KAZN: variants seen among roughly 807,000 people sequenced by gnomAD.
KAZN encodes kazrin, periplakin interacting protein.
In KAZN, 40 loss-of-function variants were observed where a neutral mutation model predicts 87.4. That is an observed-to-expected ratio of 0.46 (90% CI 0.36 to 0.60). KAZN has a LOEUF of 0.60. Among genes scored for constraint, KAZN ranks in the 20% least tolerant of loss-of-function variants. The pLI is 0.00. For missense variants in KAZN, 898 were observed against 1,073.9 expected, an observed-to-expected ratio of 0.84 and a Z score of 2.29; for synonymous variants, 466 against 458.3, an observed-to-expected ratio of 1.02 and a Z score of -0.22.
At chr1:14,576,425 A>C (rs1249105709) in intron 2 of KAZN, among the ~76,000 whole-genome samples, 2 of 151,580 alleles carry the variant, frequency 1.3e-5, no homozygotes, top group Non-Finnish European at 2.9e-5. Context: ...AGATGGGTAG[A>C]TGGATGAATG....
chr1:14,348,310 T>C (rs1298732401), intron 2 of KAZN, among the ~76,000 whole-genome samples: 3 of 152,110 alleles, frequency 2.0e-5, no homozygotes, highest in African/African-American at 7.2e-5. Flanking sequence ...CCCCAGCCTC[T>C]CCAAATGCTG....
chr1:14,273,802 G>A (rs1375876125), intron 2 of KAZN, among the ~76,000 whole-genome samples: 1 of 151,332 alleles, frequency 6.6e-6, no homozygotes, highest in Non-Finnish European at 1.5e-5. Flanking sequence ...CTCAAAACAA[G>A]ATCTTTCTCA....
At chr1:14,523,500 T>C (rs6673698) in intron 2 of KAZN, among the ~76,000 whole-genome samples, 35,297 of 152,202 alleles carry the variant, frequency 0.23, 4,659 homozygotes, top group Non-Finnish European at 0.3. Flanking sequence ...GATACAAATG[T>C]GTCCCATCCC....
chr1:15,094,492 T>C lies in KAZN; in HGVS notation c.1428+107T>C. The C allele has an allele frequency of 9.4e-7, 1 of 1,060,542 alleles. No individual in the cohort carries two copies. Among genetic ancestry groups the C allele is most frequent in the Admixed American group, 2.2e-5 (1 of 46,414 alleles). The allele number at this position is 1,060,542 out of a possible 1,614,324, so 65.7% of individuals were successfully genotyped here. ...CTCCTACCCTGGAGTCAGGAGAAGGTGCAATCTAGGAGCTAGCCAATGCAA... is the reference window on the plus strand; with the variant it reads ...CTCCTACCCTGGAGTCAGGAGAAGGCGCAATCTAGGAGCTAGCCAATGCAA... On this transcript the variant is annotated intron_variant, in intron 9 of 14. Coordinates refer to ENST00000376030, the MANE Select transcript of KAZN (RefSeq NM_201628.3). This position sits in a 1 kb window ranked among gnomAD's most constrained non-coding sequence, Gnocchi z 4.5.
intron 1 of KAZN, among the ~76,000 whole-genome samples, chr1:13,935,347 C>T (rs964417052): frequency 3.3e-5 from 5 of 152,230 alleles, no homozygotes; most frequent in South Asian, 4.1e-4. Flanking sequence ...TTTTAATTCT[C>T]ATTTTATGAT....
intron 2 of KAZN, among the ~76,000 whole-genome samples, chr1:15,013,427 A>G (rs1448433520): frequency 6.6e-6 from 1 of 152,176 alleles, no homozygotes; most frequent in Non-Finnish European, 1.5e-5. Context: ...GGAAAATAGC[A>G]CTGAGGGATC....
chr1:14,807,792 T>C (rs539406328), intron 1 of KAZN, among the ~76,000 whole-genome samples: 2 of 152,014 alleles, frequency 1.3e-5, no homozygotes, highest in South Asian at 4.2e-4. Flanking sequence ...ATCCTAATAT[T>C]GGGGAAGGTA....
intron 1 of KAZN, among the ~76,000 whole-genome samples, chr1:14,942,537 G>A (rs56074503): frequency 0.049 from 7,509 of 152,262 alleles, 572 homozygotes; most frequent in African/African-American, 0.17. Context: ...TACAGCAGCC[G>A]AACCTAGAAC....
At chr1:13,895,533 ACT>A (rs1416401915) in intron 1 of KAZN, among the ~76,000 whole-genome samples, 1 of 151,944 alleles carries the variant, frequency 6.6e-6, no homozygotes, top group Non-Finnish European at 1.5e-5. Flanking sequence ...CAGGGAGAAC[ACT>A]CTCCCTGAAG....
At chr1:14,739,746 C>T (rs952613116) in intron 1 of KAZN, among the ~76,000 whole-genome samples, 4 of 151,438 alleles carry the variant, frequency 2.6e-5, no homozygotes, top group Admixed American at 1.3e-4. Context: ...AAAGGAATGA[C>T]GGATTCAAAA....
At chr1:13,900,648 G>A (rs529810741) in intron 1 of KAZN, among the ~76,000 whole-genome samples, 1 of 152,072 alleles carries the variant, frequency 6.6e-6, no homozygotes, top group Non-Finnish European at 1.5e-5. Context: ...CAGAGGCAGG[G>A]GCATGTGATT....
At chr1:14,002,670 G>A (rs531642552) in intron 1 of KAZN, among the ~76,000 whole-genome samples, 51 of 152,290 alleles carry the variant, frequency 3.3e-4, no homozygotes, top group Admixed American at 2.3e-3. Context: ...TCTCATGCCA[G>A]TCAGAATGGT....
intron 1 of KAZN, among the ~76,000 whole-genome samples, chr1:13,981,089 T>TCTCTCTCTCTCTATA (rs1553181094): frequency 6.3e-5 from 4 of 63,134 alleles, no homozygotes; most frequent in African/African-American, 2.3e-4. Context: ...AAATTACTCT[T>TCTCTCTCTCTCTATA]TATATATATA....
At chr1:14,873,488 T>C (rs902729772) in intron 1 of KAZN, among the ~76,000 whole-genome samples, 2 of 152,150 alleles carry the variant, frequency 1.3e-5, no homozygotes, top group Non-Finnish European at 2.9e-5. Context: ...AAGTGAGCTA[T>C]GCAGAGATCT....
chr1:13,983,548 C>T (rs1028109206), intron 1 of KAZN, among the ~76,000 whole-genome samples: 2 of 152,216 alleles, frequency 1.3e-5, no homozygotes, highest in Non-Finnish European at 2.9e-5. Flanking sequence ...GCCTCTCCCT[C>T]CACACCTCCC....
chr1:15,048,811 G>A lies in KAZN; in HGVS notation c.726+4652G>A, dbSNP rs1159377914. On this transcript the variant is annotated intron_variant, in intron 4 of 14. Coordinates refer to ENST00000376030, the MANE Select transcript of KAZN (RefSeq NM_201628.3). ...CTTGGTCATTGGTCCTGAGTCGTTG[G>A]TCCTGGGTTGTTGGTGCTGGGTCGT... is the stretch of plus-strand genomic sequence containing the variant. Among the ~76,000 whole-genome samples, 57 of 149,842 alleles carry A rather than the reference G, an allele frequency of 3.8e-4. 3 individuals carry two copies. Among genetic ancestry groups the A allele is most frequent in the African/African-American group, 1.3e-3 (53 of 40,382 alleles).
At chr1:15,045,926 A>G (rs578024699) in intron 4 of KAZN, among the ~76,000 whole-genome samples, 6 of 152,294 alleles carry the variant, frequency 3.9e-5, no homozygotes, top group Non-Finnish European at 8.8e-5. Context: ...ACAATTCGAG[A>G]TGAGATTTGG....
At chr1:14,292,516 C>T (rs2100751051) in intron 2 of KAZN, among the ~76,000 whole-genome samples, 1 of 152,216 alleles carries the variant, frequency 6.6e-6, no homozygotes, top group South Asian at 2.1e-4. Flanking sequence ...ATGGGGCTGG[C>T]AGGGATTGAT....
intron 1 of KAZN, among the ~76,000 whole-genome samples, chr1:14,845,698 T>C (rs1648673176): frequency 6.6e-6 from 1 of 152,150 alleles, no homozygotes; most frequent in Admixed American, 6.5e-5. Context: ...ATGGTGGTAA[T>C]AGGTGCTCTT....
Sources: allele counts gnomAD v4.1 joint callset (sites outside exome capture counted in the v4.1 genomes callset), GRCh38; gene constraint gnomAD v4.1.1; non-coding constraint Gnocchi (gnomAD v3.1); transcripts MANE v1.5; gene names NCBI Gene and HGNC (gene_info 2026-07-23, HGNC 2026-07-21).